CSMD1: variants seen among roughly 807,000 people sequenced by gnomAD.
CSMD1 encodes the protein CUB and sushi domain-containing protein 1.
CSMD1 carries 213 observed loss-of-function variants against 417.5 expected under a neutral mutation model. The observed-to-expected ratio is 0.51, with a 90% CI of 0.46 to 0.57. The LOEUF (loss-of-function observed/expected upper bound fraction) is 0.57, where lower values mean the gene tolerates loss of function less well. Ranked by LOEUF, CSMD1 falls within the 20% of genes least tolerant of loss-of-function variation. CSMD1 has a pLI of 0.00. For synonymous variants in CSMD1, 2,862 were observed against 1,736.8 expected (o/e 1.65, Z -16.11); for missense variants, 6,923 against 4,529.7 (o/e 1.53, Z -15.17).
chr8:3,404,238 G>A (rs1812214675), intron 15 of CSMD1, among the ~76,000 whole-genome samples: 1 of 152,000 alleles, frequency 6.6e-6, no homozygotes, highest in Non-Finnish European at 1.5e-5. Context: ...GGAAGGCTGA[G>A]GCAGAAGAAC....
chr8:3,614,615 C>G (rs938251001), intron 8 of CSMD1, among the ~76,000 whole-genome samples: 4 of 152,148 alleles, frequency 2.6e-5, no homozygotes, highest in African/African-American at 9.7e-5. Flanking sequence ...ATTTGATATT[C>G]TCAGATATGA....
intron 1 of CSMD1, among the ~76,000 whole-genome samples, chr8:4,672,903 AAC>A (rs1805417900): frequency 6.6e-6 from 1 of 152,152 alleles, no homozygotes; most frequent in Non-Finnish European, 1.5e-5. Flanking sequence ...TGAGACAACA[AAC>A]ACATTCACAA....
At chr8:3,503,165 C>A (rs1436634525) in intron 10 of CSMD1, among the ~76,000 whole-genome samples, 1 of 152,030 alleles carries the variant, frequency 6.6e-6, no homozygotes, top group Non-Finnish European at 1.5e-5. Context: ...GAATTTCAAC[C>A]TAGAAAAAAG....
chr8:3,295,981 C>T (rs1002072615), intron 25 of CSMD1, among the ~76,000 whole-genome samples: 1 of 151,930 alleles, frequency 6.6e-6, no homozygotes, highest in Admixed American at 6.6e-5. Context: ...TCGTGTTGTA[C>T]AGGGAAGAGA....
intron 12 of CSMD1, among the ~76,000 whole-genome samples, 163 bp from the exon 13 acceptor site, chr8:3,409,768 A>G (rs548055835): frequency 1.4e-4 from 22 of 152,356 alleles, no homozygotes; most frequent in African/African-American, 5.3e-4. Context: ...TTTAATTTCA[A>G]ATACCAGAAA....
intron 5 of CSMD1, among the ~76,000 whole-genome samples, chr8:3,908,719 G>C (rs1282597381): frequency 6.6e-6 from 1 of 152,130 alleles, no homozygotes; most frequent in Non-Finnish European, 1.5e-5. Flanking sequence ...GCAGGCCAGA[G>C]GTCTCAAAGA....
intron 54 of CSMD1, among the ~76,000 whole-genome samples, chr8:2,994,352 G>A (rs938001872): frequency 2.0e-5 from 3 of 152,052 alleles, no homozygotes; most frequent in Admixed American, 6.5e-5. Flanking sequence ...GAGTAACATT[G>A]CCTTGCAGTG....
intron 6 of CSMD1, among the ~76,000 whole-genome samples, chr8:3,745,082 C>G (rs1797003195): frequency 6.6e-6 from 1 of 152,192 alleles, no homozygotes; most frequent in Non-Finnish European, 1.5e-5. Context: ...TATGGACATA[C>G]AAGCTGAATT....
chr8:4,912,135 A>AAAAAAAAAAAAAAAAAAAAAAAAAAAAG lies in CSMD1; in HGVS notation c.85+82196_85+82197insCTTTTTTTTTTTTTTTTTTTTTTTTTTT, dbSNP rs765904838. ...TCAACATAGCTTCAAAAAAAAAAAA[A>AAAAAAAAAAAAAAAAAAAAAAAAAAAAG]AAAAAAGAAAGAAAGAAAAGAAAAG... is the stretch of plus-strand genomic sequence containing the variant. On this transcript the variant is annotated intron_variant, in intron 1 of 69. Coordinates refer to ENST00000635120, the MANE Select transcript of CSMD1 (RefSeq NM_033225.6). Among the ~76,000 whole-genome samples the AAAAAAAAAAAAAAAAAAAAAAAAAAAAG allele has an allele frequency of 2.6e-4, 30 of 115,610 alleles. 1 individual carries two copies. The highest frequency in any genetic ancestry group is 5.8e-4 in the South Asian group (2 of 3,432). 75.8% of individuals were successfully genotyped at this position (115,610 alleles called of 152,430 possible).
chr8:3,869,912 C>G (rs1225930275), intron 5 of CSMD1, among the ~76,000 whole-genome samples: 1 of 152,180 alleles, frequency 6.6e-6, no homozygotes, highest in East Asian at 1.9e-4. Context: ...AAAGGAAAAA[C>G]TAGCCCTTTC....
In CSMD1 at chr8:4,834,979, AAG is replaced by A. The variant is rs1247449370; in HGVS notation, c.85+159351_85+159352del. On this transcript the variant is annotated intron_variant, in intron 1 of 69. Coordinates refer to ENST00000635120, the MANE Select transcript of CSMD1 (RefSeq NM_033225.6). ...CTCAAAAAAAAAAAAAAAAAAAAAA[AAG>A]AAAGAAAGAAAGAAAGAAAGAAAGA... Among the ~76,000 whole-genome samples, 101 of 21,368 alleles carry A rather than the reference AAG, an allele frequency of 4.7e-3. 2 individuals carry two copies. Among genetic ancestry groups the A allele is most frequent in the Non-Finnish European group, 0.01 (61 of 5,878 alleles). 14.0% of individuals were successfully genotyped at this position (21,368 alleles called of 152,430 possible). A position where few individuals can be genotyped will look rare whatever the true frequency, so the allele number is the denominator to read the frequency against.
chr8:4,000,395 T>C (rs77039391), intron 4 of CSMD1, among the ~76,000 whole-genome samples: 2,135 of 152,344 alleles, frequency 0.014, 51 homozygotes, highest in African/African-American at 0.049. Context: ...AATTGTATTT[T>C]TGAACAGAGA....
intron 4 of CSMD1, among the ~76,000 whole-genome samples, chr8:4,004,760 T>A (rs1412589684): frequency 2.0e-5 from 3 of 152,148 alleles, no homozygotes; most frequent in African/African-American, 7.2e-5. Context: ...TTGTTTTGTT[T>A]TTGAGATGGC....
At chr8:3,968,982 G>T (rs576712806) in intron 5 of CSMD1, among the ~76,000 whole-genome samples, 1 of 152,308 alleles carries the variant, frequency 6.6e-6, no homozygotes, top group South Asian at 2.1e-4. Context: ...CAGGGACAGT[G>T]GCTCATACCT....
intron 3 of CSMD1, among the ~76,000 whole-genome samples, chr8:4,329,556 T>C (rs975187038): frequency 3.3e-5 from 5 of 152,092 alleles, no homozygotes; most frequent in African/African-American, 9.7e-5. Flanking sequence ...CCAAATTGCT[T>C]GGATTAAAGG....
At chr8:4,195,764 T>C (rs1393925513) in intron 3 of CSMD1, among the ~76,000 whole-genome samples, 2 of 151,082 alleles carry the variant, frequency 1.3e-5, no homozygotes, top group African/African-American at 2.4e-5. Flanking sequence ...TGCCAGGAGG[T>C]AGTGGATTCT....
chr8:4,182,797 A>T (rs1028075815), intron 3 of CSMD1, among the ~76,000 whole-genome samples: 1 of 152,192 alleles, frequency 6.6e-6, no homozygotes, highest in Non-Finnish European at 1.5e-5. Flanking sequence ...AGTGAAGGGA[A>T]TATAATCAAG....
At chr8:4,010,386 C>T (rs768210319) in intron 4 of CSMD1, among the ~76,000 whole-genome samples, 14 of 152,120 alleles carry the variant, frequency 9.2e-5, no homozygotes, top group Non-Finnish European at 1.6e-4. Context: ...CCTCTGTCAG[C>T]CTCTTCACCT....
intron 3 of CSMD1, among the ~76,000 whole-genome samples, chr8:4,404,040 A>G (rs1804840822): frequency 6.6e-6 from 1 of 152,160 alleles, no homozygotes; most frequent in Non-Finnish European, 1.5e-5. Context: ...AAATACATCC[A>G]GACTTATCCA....
Sources: gnomAD v4.1 joint callset for allele counts (sites outside exome capture counted in the v4.1 genomes callset) on GRCh38, gnomAD v4.1.1 for gene constraint, MANE v1.5 for transcripts, NCBI Gene and HGNC (gene_info 2026-07-23, HGNC 2026-07-21) for gene names.